The following LINGO2 variants were observed in gnomAD, a reference collection of about 807,000 sequenced individuals.
LINGO2 encodes leucine-rich repeat and immunoglobulin-like domain-containing nogo receptor-interacting protein 2.
LINGO2 carries 14 observed loss-of-function variants against 30.6 expected under a neutral mutation model. The observed-to-expected ratio is 0.46, with a 90% CI of 0.30 to 0.72. The LOEUF (loss-of-function observed/expected upper bound fraction) is 0.72, where lower values mean the gene tolerates loss of function less well. Ranked by LOEUF, LINGO2 falls within the 30% of genes least tolerant of loss-of-function variation. LINGO2 has a pLI of 0.07. For missense variants in LINGO2, 729 were observed against 751.7 expected (o/e 0.97, Z 0.35); for synonymous variants, 317 against 288.5 (o/e 1.10, Z -1.00).
intron 1 of LINGO2, among the ~76,000 whole-genome samples, chr9:28,513,815 A>G (rs1295624484): frequency 6.6e-6 from 1 of 152,230 alleles, no homozygotes; most frequent in Non-Finnish European, 1.5e-5. Context: ...AAAAGGACAT[A>G]CCGACTTCGT....
the LINGO2 span, among the ~76,000 whole-genome samples, chr9:28,694,619 T>C: frequency 6.6e-6 from 1 of 151,998 alleles, no homozygotes. Flanking sequence ...ATTATCCCAA[T>C]TTTTCATATT....
At chr9:29,125,959 C>T in the LINGO2 span, among the ~76,000 whole-genome samples, 1 of 151,966 alleles carries the variant, frequency 6.6e-6, no homozygotes, top group Non-Finnish European at 1.5e-5. Context: ...AATATAAAAA[C>T]CACTTATTTG....
intron 4 of LINGO2, among the ~76,000 whole-genome samples, chr9:28,228,828 T>C (rs1821259625): frequency 2.6e-5 from 4 of 151,810 alleles, no homozygotes. Context: ...TTTATGTTTT[T>C]ATTAAATTTC....
At chr9:28,566,048 G>C (rs548467417) in intron 1 of LINGO2, among the ~76,000 whole-genome samples, 1 of 152,180 alleles carries the variant, frequency 6.6e-6, no homozygotes, top group East Asian at 1.9e-4. Flanking sequence ...GAGGACCAGC[G>C]AAGTGGCCTG....
chr9:27,993,348 A>C (rs1821492179), intron 5 of LINGO2, among the ~76,000 whole-genome samples: 1 of 152,118 alleles, frequency 6.6e-6, no homozygotes, highest in African/African-American at 2.4e-5. Context: ...TATCCATATG[A>C]ATTCTCCTAC....
At chr9:28,232,236 T>C (rs1309478035) in intron 4 of LINGO2, among the ~76,000 whole-genome samples, 1 of 151,790 alleles carries the variant, frequency 6.6e-6, no homozygotes, top group Non-Finnish European at 1.5e-5. Context: ...TTGTCTCTAC[T>C]AAAATTACAA....
At chr9:28,098,902 G>GA (rs1226160466) in intron 4 of LINGO2, among the ~76,000 whole-genome samples, 2 of 151,940 alleles carry the variant, frequency 1.3e-5, no homozygotes, top group African/African-American at 2.4e-5. Context: ...TTGTGTTATT[G>GA]AAAAAAATGG....
intron 1 of LINGO2, among the ~76,000 whole-genome samples, chr9:28,506,481 T>A (rs10968628): frequency 1.3e-5 from 1 of 74,758 alleles, no homozygotes; most frequent in African/African-American, 5.2e-5. Context: ...CACACACACA[T>A]ACACATACAC....
At chr9:28,676,619 T>A in the LINGO2 span, among the ~76,000 whole-genome samples, 1 of 152,070 alleles carries the variant, frequency 6.6e-6, no homozygotes, top group Admixed American at 6.6e-5. Context: ...TTAAAACATG[T>A]GTTGTTGGTG....
the LINGO2 span, among the ~76,000 whole-genome samples, chr9:28,905,743 A>C: frequency 1.3e-5 from 2 of 152,090 alleles, no homozygotes; most frequent in Admixed American, 1.3e-4. Context: ...CATAGAAAAC[A>C]TTATGAAAAT....
chr9:28,330,138 T>C (rs929911231), intron 3 of LINGO2, among the ~76,000 whole-genome samples: 2 of 152,100 alleles, frequency 1.3e-5, no homozygotes, highest in African/African-American at 4.8e-5. Context: ...CTCTCTCTTC[T>C]CATCCACACA....
intron 5 of LINGO2, among the ~76,000 whole-genome samples, chr9:28,003,989 G>A (rs985487663): frequency 1.3e-5 from 2 of 152,132 alleles, no homozygotes; most frequent in African/African-American, 4.8e-5. Flanking sequence ...TTTGAAAAAA[G>A]AGTGAATTTG....
rs1453019033 is a variant in LINGO2 at position 28,104,255 on chromosome 9, G to GTTTTTTTTTT, written c.-86-91851_-86-91850insAAAAAAAAAA. Among the ~76,000 whole-genome samples the GTTTTTTTTTT allele has an allele frequency of 9.3e-5, 7 of 75,156 alleles. 1 individual carries two copies. Among genetic ancestry groups the GTTTTTTTTTT allele is most frequent in the East Asian group, 1.0e-3 (2 of 1,950 alleles). The allele number at this position is 75,156 out of a possible 152,430, so 49.3% of individuals were successfully genotyped here. The stretch of plus-strand genomic sequence containing the variant: ...AGGGATTTGCTTTTCCCCAGTACAA[G>GTTTTTTTTTT]TTTTTTGTTTGTTTTTTTTTTTTTT... On this transcript the variant is annotated intron_variant, in intron 4 of 5. Transcript: ENST00000379992.
the LINGO2 span, among the ~76,000 whole-genome samples, chr9:29,112,148 C>G: frequency 3.5e-5 from 5 of 142,722 alleles, 1 homozygote; most frequent in South Asian, 1.1e-3. Context: ...CGAAATATAT[C>G]CCTTCTCCCA....
At chr9:28,543,026 A>G (rs1319343749) in intron 1 of LINGO2, among the ~76,000 whole-genome samples, 1 of 152,138 alleles carries the variant, frequency 6.6e-6, no homozygotes, top group Non-Finnish European at 1.5e-5. Context: ...CAAATATGGT[A>G]AAACATGTCC....
intron 5 of LINGO2, among the ~76,000 whole-genome samples, chr9:27,996,500 A>T (rs1173619384): frequency 6.6e-6 from 1 of 152,200 alleles, no homozygotes; most frequent in Non-Finnish European, 1.5e-5. Flanking sequence ...GAACTGGAGG[A>T]TATCATATGA....
At chr9:29,049,786 AC>A in the LINGO2 span, among the ~76,000 whole-genome samples, 1 of 152,154 alleles carries the variant, frequency 6.6e-6, no homozygotes, top group Non-Finnish European at 1.5e-5. Flanking sequence ...AAGGATGATT[AC>A]CAGAGTCTCA....
chr9:28,094,410 C>G (rs1826184669), intron 4 of LINGO2, among the ~76,000 whole-genome samples: 1 of 151,880 alleles, frequency 6.6e-6, no homozygotes, highest in African/African-American at 2.4e-5. Context: ...TCGGTGTATG[C>G]CAGCACTTAT....
intron 4 of LINGO2, among the ~76,000 whole-genome samples, chr9:28,241,300 G>GA (rs112561477): frequency 6.5e-5 from 8 of 122,428 alleles, no homozygotes; most frequent in Admixed American, 2.6e-4. Flanking sequence ...AAAGAAAAAA[G>GA]AAAAAAAAAA....
Sources: allele counts gnomAD v4.1 joint callset (sites outside exome capture counted in the v4.1 genomes callset), GRCh38; gene constraint gnomAD v4.1.1; transcripts MANE v1.5; gene names NCBI Gene and HGNC (gene_info 2026-07-23, HGNC 2026-07-21).